The following PLEKHN1 variants were observed in gnomAD, a reference collection of about 807,000 sequenced individuals.
The protein encoded by PLEKHN1 is pleckstrin homology domain containing N1, also known as pleckstrin homology domain-containing family N member 1.
In PLEKHN1, 68 loss-of-function variants were observed where a neutral mutation model predicts 72.8. The observed-to-expected ratio is 0.93, with a 90% CI of 0.77 to 1.14. The LOEUF (loss-of-function observed/expected upper bound fraction) is 1.14. Ranked by LOEUF, PLEKHN1 falls within the 50% of genes most tolerant of loss-of-function variation. The pLI is 0.00. For missense variants in PLEKHN1, 1,015 were observed against 840.5 expected (o/e 1.21, Z -2.57); for synonymous variants, 454 against 371.6 (o/e 1.22, Z -2.55).
In PLEKHN1 at chr1:973,016, C is replaced by A; in HGVS notation, c.1152+6C>A. ...GCTCCTCCCAGCACACACCGGTGAGCGCTTACGGGGTGGCAGACGAAAGTG... is the reference window on the plus strand; with the variant it reads ...GCTCCTCCCAGCACACACCGGTGAGAGCTTACGGGGTGGCAGACGAAAGTG... On this transcript the variant is annotated splice_donor_region_variant and intron_variant, in intron 11 of 15. Transcript: ENST00000379410. 6.3e-7 allele frequency: 1 copy of A among 1,595,154 alleles called. No homozygotes were observed.
intron 7 of PLEKHN1, 41 bp downstream of exon 7, chr1:971,249 G>A (rs769002302): frequency 2.6e-6 from 4 of 1,557,424 alleles, no homozygotes; most frequent in Non-Finnish European, 3.5e-6. Flanking sequence ...GATGGGAGGG[G>A]TGCATGGTGG....
chr1:973,149 C>T, intron 11 of PLEKHN1, 37 bp from the exon 12 acceptor site: 1 of 1,497,932 alleles, frequency 6.7e-7, no homozygotes, highest in East Asian at 2.5e-5. Flanking sequence ...GGAGAGGGGC[C>T]AAAGGGCTCT....
At chr1:972,802 G>A in intron 10 of PLEKHN1, 59 bp from the exon 11 acceptor site, 1 of 1,480,836 alleles carries the variant, frequency 6.8e-7, no homozygotes, top group Admixed American at 2.2e-5. Context: ...GTGGGTCCAG[G>A]CAGGGGCGGG....
Position 971,191 on chromosome 1 carries a change from C to T in PLEKHN1, c.691C>T (p.Gln231Ter). 3 of 1,585,118 alleles carry T rather than the reference C, an allele frequency of 1.9e-6. No homozygotes were observed. Among genetic ancestry groups the T allele is most frequent in the South Asian group, 1.1e-5 (1 of 87,018 alleles). Reference protein sequence around the residue: ...SAVCASRVKLQHLPAQEQWDR... With the variant: ...SAVCASRVKL ...TGTCTGTGCCTCGAGGGTCAAGCTG[C>T]AGCACCTGCCCGCACAGGTGGGTGG... is the stretch of plus-strand genomic sequence containing the variant. The change falls in exon 7 of 16, where the codon CAG becomes TAG. Residue 231 changes from glutamine to a stop codon, truncating the protein, a stop_gained. Coordinates refer to ENST00000379410, the MANE Select transcript of PLEKHN1 (RefSeq NM_032129.3). LOFTEE classifies it high-confidence loss of function.
In PLEKHN1 at chr1:970,828, G is replaced by A; in HGVS notation, c.485-51G>A. 1.2e-6 allele frequency: 2 copies of A among 1,612,622 alleles called. No homozygotes were observed. Among genetic ancestry groups the A allele is most frequent in the Non-Finnish European group, 1.7e-6 (2 of 1,179,954 alleles). On this transcript the variant is annotated intron_variant, in intron 5 of 15. Coordinates refer to ENST00000379410, the MANE Select transcript of PLEKHN1 (RefSeq NM_032129.3). This position sits in a 1 kb window ranked among gnomAD's most constrained non-coding sequence, Gnocchi z 4.2. ...GGACTTGGAGAGGGGCCTGCCCTGT[G>A]GCTGCGGAGCACGTGTGTGTATGTG...
chr1:972,201 G>A (rs775115241), intron 9 of PLEKHN1, 51 bp downstream of exon 9: 11 of 1,605,436 alleles, frequency 6.9e-6, no homozygotes, highest in Non-Finnish European at 9.4e-6. Context: ...CCATGGTGGG[G>A]CGGGAGCCTG....
chr1:972,682 C>A (rs527519589), intron 10 of PLEKHN1, among the ~76,000 whole-genome samples, 179 bp from the exon 11 acceptor site: 2 of 152,130 alleles, frequency 1.3e-5, no homozygotes, highest in Non-Finnish European at 2.9e-5. Context: ...GCAGGAGAAT[C>A]GCTTGACCAG....
In PLEKHN1 at chr1:973,567, C is replaced by A; in HGVS notation, c.1361C>A (p.Pro454His). 1 of 1,613,396 alleles carries A rather than the reference C, an allele frequency of 6.2e-7. No homozygotes were observed. Among genetic ancestry groups the A allele is most frequent in the South Asian group, 1.1e-5 (1 of 91,088 alleles). The change falls in exon 13 of 16, where the codon CCC becomes CAC. Residue 454 changes from proline to histidine, a missense_variant. Transcript: ENST00000379410. ...CACACTTCGGAAACATCACACTCGCCCCTCTATGCCGACCCCTACACACCA... is the reference window on the plus strand; with the variant it reads ...CACACTTCGGAAACATCACACTCGCACCTCTATGCCGACCCCTACACACCA... The part of the protein sequence containing the change: ...PDHTSETSHS[P>H]LYADPYTPPA...
In PLEKHN1 at chr1:971,019, G is replaced by A. The variant is rs1643292997; in HGVS notation, c.612+13G>A. The A allele has an allele frequency of 6.3e-7, 1 of 1,594,608 alleles. No homozygotes were observed. The highest frequency in any genetic ancestry group is 1.1e-5 in the South Asian group (1 of 88,814). On this transcript the variant is annotated intron_variant, in intron 6 of 15. Coordinates refer to ENST00000379410, the MANE Select transcript of PLEKHN1 (RefSeq NM_032129.3). Reference sequence around the variant, plus strand: ...GGCACCCCCACAGGTCAGTGCCGGGGACCCCACCCCCCTCCCCACCCTGAT... The same window carrying A: ...GGCACCCCCACAGGTCAGTGCCGGGAACCCCACCCCCCTCCCCACCCTGAT...
Position 974,783 on chromosome 1 carries a change from G to A in PLEKHN1, c.*208G>A. 1 of 680,584 alleles carries A rather than the reference G, an allele frequency of 1.5e-6. No homozygotes were observed. Among genetic ancestry groups the A allele is most frequent in the Non-Finnish European group, 2.4e-6 (1 of 416,982 alleles). The allele number at this position is 680,584 out of a possible 1,614,324, so 42.2% of individuals were successfully genotyped here. A position where few individuals can be genotyped will look rare whatever the true frequency, so the allele number is the denominator to read the frequency against. ...AAGGGTGGGAGGGGCCCCATCCAAA[G>A]GATGCCCTGGCCAGCGAGGCTGGGT... On this transcript the variant is annotated 3_prime_UTR_variant, in exon 16 of 16. Coordinates refer to ENST00000379410, the MANE Select transcript of PLEKHN1 (RefSeq NM_032129.3).
intron 1 of PLEKHN1, 21 bp downstream of exon 1, chr1:966,635 G>A (rs1466906741): frequency 6.2e-7 from 1 of 1,601,116 alleles, no homozygotes; most frequent in Admixed American, 1.7e-5. Context: ...CGTGGGTGCG[G>A]CCACCTGGGC....
Position 973,626 on chromosome 1 carries a change from C to T in PLEKHN1, c.1420C>T (p.Arg474Trp), listed in dbSNP as rs200213253. The T allele has an allele frequency of 1.0e-3, 1,621 of 1,612,842 alleles. 14 individuals are homozygous for T. The highest frequency in any genetic ancestry group is 9.0e-3 in the East Asian group (402 of 44,876). The change falls in exon 13 of 16, where the codon CGG becomes TGG. Residue 474 changes from arginine to tryptophan, a missense_variant. Physicochemically the swap from Arg to Trp is moderately radical, Grantham distance 101. Coordinates refer to ENST00000379410, the MANE Select transcript of PLEKHN1 (RefSeq NM_032129.3). ...CTCCCACCGCAGGGTCACAGATGTC[C>T]GGGGCCTGGAGGAGGTCAGGCCCCT... is the stretch of plus-strand genomic sequence containing the variant. ...ATSHRRVTDV[R>W]GLEEFLSAMQ...
chr1:967,640 A>G (rs1241234407), intron 2 of PLEKHN1, among the ~76,000 whole-genome samples: 1 of 152,000 alleles, frequency 6.6e-6, no homozygotes, highest in Non-Finnish European at 1.5e-5. Flanking sequence ...CTTTGCCAAC[A>G]TGCCCCCGCC....
In PLEKHN1 at chr1:972,081, C is replaced by T; in HGVS notation, c.796C>T (p.Leu266Phe). The T allele has an allele frequency of 1.9e-6, 3 of 1,612,836 alleles. No homozygotes were observed. Among genetic ancestry groups the T allele is most frequent in the Non-Finnish European group, 2.5e-6 (3 of 1,179,806 alleles). ...CTCAATCTCTGCTCCGCAGGGGGAGCTCCCACTCCGTGCCGTCCACATCAA... is the reference window on the plus strand; with the variant it reads ...CTCAATCTCTGCTCCGCAGGGGGAGTTCCCACTCCGTGCCGTCCACATCAA... ...ELDGLCFKGE[L>F]PLRAVHINLE... The change falls in exon 9 of 16, where the codon CTC becomes TTC. Residue 266 changes from leucine (L) to phenylalanine (F), a missense_variant. Physicochemically the swap from Leu to Phe is conservative, Grantham distance 22. Transcript: ENST00000379410.
chr1:972,885 C>A lies in PLEKHN1; in HGVS notation c.1027C>A (p.Leu343Ile). 6.4e-7 allele frequency: 1 copy of A among 1,557,508 alleles called. No homozygotes were observed. Among genetic ancestry groups the A allele is most frequent in the Non-Finnish European group, 8.7e-7 (1 of 1,150,590 alleles). Residue 343 changes from leucine (L) to isoleucine (I), a missense_variant, in exon 11 of 16, where the codon CTC (leucine) becomes ATC (isoleucine). Transcript: ENST00000379410. ...GGTTATGGGCAGTGGCCGAGGCTCACTCTCCTCAGGCGGACAGACCAGCTG... is the reference window on the plus strand; with the variant it reads ...GGTTATGGGCAGTGGCCGAGGCTCAATCTCCTCAGGCGGACAGACCAGCTG... ...SQVMGSGRGS[L>I]SSGGQTSWDS...
chr1:973,983 A>T lies in PLEKHN1; in HGVS notation c.1585A>T (p.Arg529Ter). The change falls in exon 14 of 16, where the codon AGA becomes TGA. Residue 529 changes from arginine to a stop codon, truncating the protein, a stop_gained. Coordinates refer to ENST00000379410, the MANE Select transcript of PLEKHN1 (RefSeq NM_032129.3). LOFTEE classifies it high-confidence loss of function. ...LLSKKGALQS[R>*]AAQRHRGSAK... is the part of the protein sequence containing the mutation. ...CTCCAAGAAGGGAGCCCTGCAGTCC[A>T]GAGCCGCTCAGAGACACCGGGGCTC... 6.2e-7 allele frequency: 1 copy of T among 1,607,560 alleles called. No homozygotes were observed. The highest frequency in any genetic ancestry group is 8.5e-7 in the Non-Finnish European group (1 of 1,178,880).
rs1200033562 is a variant in PLEKHN1, at chr1:974,060, C to G, written c.1653+9C>G. On this transcript the variant is annotated intron_variant, in intron 14 of 15. Coordinates refer to ENST00000379410, the MANE Select transcript of PLEKHN1 (RefSeq NM_032129.3). ...CAGACGCCCCTCAGCTTGTGAGTAG[C>G]AGCCCCCACGCCCGTGTGCCCCGGG... is the stretch of plus-strand genomic sequence containing the variant. 6.4e-7 allele frequency: 1 copy of G among 1,569,178 alleles called. No individual in the cohort carries two copies. Among genetic ancestry groups the G allele is most frequent in the Admixed American group, 1.8e-5 (1 of 54,308 alleles).
Position 972,931 on chromosome 1 carries a change from C to T in PLEKHN1, c.1073C>T (p.Pro358Leu), listed in dbSNP as rs750077222. 3.8e-6 allele frequency: 6 copies of T among 1,563,000 alleles called. No individual in the cohort carries two copies. Among genetic ancestry groups the T allele is most frequent in the Non-Finnish European group, 5.2e-6 (6 of 1,153,638 alleles). Reference protein sequence around the residue: ...QTSWDSGCLAPPSTRTSHSLP... With the variant: ...QTSWDSGCLALPSTRTSHSLP... ...AGCTGGGACTCGGGGTGCTTGGCGCCCCCCTCCACCCGCACCAGCCACTCC... is the reference window on the plus strand; with the variant it reads ...AGCTGGGACTCGGGGTGCTTGGCGCTCCCCTCCACCCGCACCAGCCACTCC... The change falls in exon 11 of 16, where the codon CCC becomes CTC. Residue 358 changes from proline (P) to leucine (L), a missense_variant. By Grantham distance (98) the Pro-to-Leu change is moderately conservative. Transcript: ENST00000379410.
rs1340472249 is a variant in PLEKHN1, at chr1:973,590, C to A, written c.1384C>A (p.Pro462Thr). The A allele has an allele frequency of 2.5e-6, 4 of 1,613,312 alleles. No homozygotes were observed. The highest frequency in any genetic ancestry group is 2.2e-5 in the East Asian group (1 of 44,880). ...GCCCCTCTATGCCGACCCCTACACA[C>A]CACCCGCCACCTCCCACCGCAGGGT... ...HSPLYADPYT[P>T]PATSHRRVTD... Residue 462 changes from proline (P) to threonine (T), a missense_variant, in exon 13 of 16, where the codon CCA (proline) becomes ACA (threonine). Physicochemically the swap from Pro to Thr is conservative, Grantham distance 38. Transcript: ENST00000379410.
Sources: gnomAD v4.1 joint callset for allele counts (sites outside exome capture counted in the v4.1 genomes callset) on GRCh38, gnomAD v4.1.1 for gene constraint, Gnocchi (gnomAD v3.1) non-coding constraint, MANE v1.5 for transcripts, NCBI Gene and HGNC (gene_info 2026-07-23, HGNC 2026-07-21) for gene names.